Variants in FRMPD2 observed in about 807,000 individuals in gnomAD.
FRMPD2 encodes FERM and PDZ domain containing 2.
A neutral mutation model predicts 140.1 loss-of-function variants in FRMPD2; 96 were observed. The observed-to-expected ratio is 0.69, with a 90% confidence interval of 0.58 to 0.81. The LOEUF (loss-of-function observed/expected upper bound fraction) is 0.81. Ranked by LOEUF, FRMPD2 falls within the 40% of genes least tolerant of loss-of-function variation. The probability of loss-of-function intolerance (pLI) is 0.00; values close to 1 mark genes in which losing one functional copy is unlikely to be tolerated. For missense variants in FRMPD2, 1,240 were observed against 1,447.4 expected, an observed-to-expected ratio of 0.86 and a Z score of 2.32; for synonymous variants, 449 against 547.6, an observed-to-expected ratio of 0.82 and a Z score of 2.52.
intron 10 of FRMPD2, among the ~76,000 whole-genome samples, chr10:48,227,065 C>T (rs896270712): frequency 2.6e-5 from 4 of 152,082 alleles, no homozygotes; most frequent in African/African-American, 9.7e-5. Flanking sequence ...GCCAGCTTTC[C>T]CAAATATCTA....
At chr10:48,181,901 C>CAT (rs2132423288) in intron 20 of FRMPD2, among the ~76,000 whole-genome samples, 1 of 112,540 alleles carries the variant, frequency 8.9e-6, no homozygotes, top group East Asian at 2.9e-4. Context: ...CACACACACA[C>CAT]ACACACACAC....
chr10:48,210,014 A>G (rs1176565352), intron 13 of FRMPD2, among the ~76,000 whole-genome samples: 1 of 152,220 alleles, frequency 6.6e-6, no homozygotes, highest in Admixed American at 6.5e-5. Flanking sequence ...ATATGCATAT[A>G]CATATATATA....
chr10:48,214,898 G>A (rs540596175), intron 12 of FRMPD2, among the ~76,000 whole-genome samples: 66 of 152,306 alleles, frequency 4.3e-4, no homozygotes, highest in African/African-American at 1.4e-3. Context: ...GAAGGCCACC[G>A]GAGGACATGT....
Position 48,206,875 on chromosome 10 carries a change from C to G in FRMPD2, c.1670G>C (p.Arg557Thr). ...CAGGGCCATCTCCTCTTCTGGCCTC[C>G]TCTTCTCTGAGAATACTTGGTGAAC... is the stretch of plus-strand genomic sequence containing the variant. Reference protein sequence around the residue: ...VLVHQVFSEKRRPEEEMALGI... With the variant: ...VLVHQVFSEKTRPEEEMALGI... The change falls in exon 14 of 29, where the codon AGG (arginine) becomes ACG (threonine). Residue 557 changes from arginine to threonine, a missense_variant. Coordinates refer to ENST00000374201, the MANE Select transcript of FRMPD2 (RefSeq NM_001018071.4). 1 of 1,614,108 alleles carries G rather than the reference C, an allele frequency of 6.2e-7. No individual in the cohort carries two copies. The highest frequency in any genetic ancestry group is 8.5e-7 in the Non-Finnish European group (1 of 1,179,964).
intron 1 of FRMPD2, among the ~76,000 whole-genome samples, chr10:48,256,642 C>T (rs976355441): frequency 2.6e-5 from 4 of 152,244 alleles, no homozygotes; most frequent in South Asian, 4.1e-4. Flanking sequence ...AGGACCTTCT[C>T]AGCTCTGGAG....
chr10:48,194,593 T>G (rs1426438662), intron 15 of FRMPD2, among the ~76,000 whole-genome samples: 2 of 152,162 alleles, frequency 1.3e-5, no homozygotes, highest in Non-Finnish European at 2.9e-5. Flanking sequence ...GAGCCATCCC[T>G]TAGAGGCAGG....
At chr10:48,191,890 G>C (rs2131847593) in intron 16 of FRMPD2, among the ~76,000 whole-genome samples, 1 of 152,288 alleles carries the variant, frequency 6.6e-6, no homozygotes, top group Middle Eastern at 3.4e-3. Flanking sequence ...AAGGTAGCGT[G>C]GTGTAGAGGT....
At chr10:48,230,005 G>T (rs989834234) in intron 10 of FRMPD2, among the ~76,000 whole-genome samples, 4 of 152,126 alleles carry the variant, frequency 2.6e-5, no homozygotes, top group Admixed American at 2.6e-4. Flanking sequence ...TGCTAACAAA[G>T]ATCAAGCAGA....
intron 14 of FRMPD2, among the ~76,000 whole-genome samples, chr10:48,203,370 C>T (rs1296061658): frequency 1.3e-5 from 2 of 152,242 alleles, no homozygotes; most frequent in East Asian, 1.9e-4. Context: ...TGCAAACTTT[C>T]GCATAAGCAA....
intron 9 of FRMPD2, among the ~76,000 whole-genome samples, chr10:48,234,954 A>G (rs528804539): frequency 2.0e-5 from 3 of 152,124 alleles, no homozygotes; most frequent in Non-Finnish European, 4.4e-5. Flanking sequence ...AGGAGTCTCC[A>G]GTCACCTAAG....
At chr10:48,241,102 C>T (rs1399753689) in intron 5 of FRMPD2, among the ~76,000 whole-genome samples, 5 of 152,146 alleles carry the variant, frequency 3.3e-5, no homozygotes, top group Non-Finnish European at 7.3e-5. Context: ...TAAATATAGT[C>T]CATTTCCCCC....
intron 12 of FRMPD2, among the ~76,000 whole-genome samples, chr10:48,218,359 C>T (rs1051197554): frequency 5.3e-5 from 8 of 152,210 alleles, no homozygotes; most frequent in African/African-American, 1.9e-4. Flanking sequence ...AAACATGGCT[C>T]CTTTATTCAC....
chr10:48,264,087 C>A (rs188755095), intron 1 of FRMPD2, among the ~76,000 whole-genome samples: 70 of 151,728 alleles, frequency 4.6e-4, no homozygotes, highest in African/African-American at 1.5e-3. Context: ...AATCCAACAG[C>A]AAATCATGAT....
intron 1 of FRMPD2, among the ~76,000 whole-genome samples, chr10:48,274,301 G>A (rs1056024710): frequency 6.6e-6 from 1 of 152,202 alleles, no homozygotes; most frequent in African/African-American, 2.4e-5. Context: ...GGGGTGGTCT[G>A]ATTCTAAAGT....
chr10:48,199,300 A>G (rs1421614500), intron 15 of FRMPD2, among the ~76,000 whole-genome samples: 3 of 151,670 alleles, frequency 2.0e-5, no homozygotes, highest in Non-Finnish European at 2.9e-5. Context: ...CCTACTCTAC[A>G]AGGTACCTTA....
chr10:48,238,994 T>C (rs1334157460), intron 7 of FRMPD2, among the ~76,000 whole-genome samples: 1 of 152,064 alleles, frequency 6.6e-6, no homozygotes, highest in Non-Finnish European at 1.5e-5. Context: ...TCTCTCCTCT[T>C]TCTCTCTGTC....
intron 14 of FRMPD2, among the ~76,000 whole-genome samples, chr10:48,203,330 T>G (rs950661901): frequency 6.6e-6 from 1 of 152,186 alleles, no homozygotes; most frequent in African/African-American, 2.4e-5. Flanking sequence ...GTCAAGAGTC[T>G]TTTCCATCAT....
chr10:48,223,018 AT>A (rs1839642228), intron 11 of FRMPD2, 104 bp downstream of exon 11: 3 of 991,238 alleles, frequency 3.0e-6, no homozygotes, highest in South Asian at 3.4e-5. Flanking sequence ...TGTTATTTGT[AT>A]GTAATTTACA....
At chr10:48,248,899 T>C (rs931267424) in intron 3 of FRMPD2, 122 bp downstream of exon 3, 25 of 771,166 alleles carry the variant, frequency 3.2e-5, no homozygotes, top group Non-Finnish European at 4.8e-5. Flanking sequence ...TGAAACCCAC[T>C]CTGGCTTGGT....
Sources: gnomAD v4.1 joint callset for allele counts (sites outside exome capture counted in the v4.1 genomes callset) on GRCh38, gnomAD v4.1.1 for gene constraint, MANE v1.5 for transcripts, NCBI Gene and HGNC (gene_info 2026-07-23, HGNC 2026-07-21) for gene names.